The following PCDHA12 variants were observed in gnomAD, a reference collection of about 807,000 sequenced individuals.
PCDHA12 encodes the protein protocadherin alpha-12.
PCDHA12 carries 44 observed loss-of-function variants against 60.0 expected under a neutral mutation model. The observed-to-expected ratio is 0.73, with a 90% CI of 0.58 to 0.94. PCDHA12 has a LOEUF of 0.94. Among genes scored for constraint, PCDHA12 ranks in the 40% least tolerant of loss-of-function variants. The pLI is 0.00. For missense variants in PCDHA12, 1,276 were observed against 1,239.7 expected, an observed-to-expected ratio of 1.03 and a Z score of -0.44; for synonymous variants, 569 against 553.0, an observed-to-expected ratio of 1.03 and a Z score of -0.40.
intron 1 of PCDHA12, among the ~76,000 whole-genome samples, chr5:140,978,590 A>G (rs192815977): frequency 2.0e-4 from 31 of 152,334 alleles, no homozygotes; most frequent in African/African-American, 7.5e-4. Context: ...TGTTCCCTTA[A>G]TGGGGCACTT....
At chr5:140,940,600 G>A (rs576348550) in intron 1 of PCDHA12, among the ~76,000 whole-genome samples, 36 of 152,074 alleles carry the variant, frequency 2.4e-4, no homozygotes, top group African/African-American at 8.4e-4. Flanking sequence ...GGCATGAGCC[G>A]CTGCTCCTGG....
intron 1 of PCDHA12, among the ~76,000 whole-genome samples, chr5:140,889,730 A>C (rs1554184026): frequency 6.6e-6 from 1 of 152,198 alleles, no homozygotes; most frequent in East Asian, 1.9e-4. Flanking sequence ...TGTCTCACTG[A>C]GTAGCAGAGT....
At chr5:140,980,196 A>T (rs1404667828) in intron 2 of PCDHA12, among the ~76,000 whole-genome samples, 1 of 152,214 alleles carries the variant, frequency 6.6e-6, no homozygotes, top group Non-Finnish European at 1.5e-5. Flanking sequence ...TTTATTAGAG[A>T]CCAACTTGTG....
intron 1 of PCDHA12, among the ~76,000 whole-genome samples, chr5:140,940,207 G>C (rs1554213216): frequency 2.6e-5 from 4 of 152,094 alleles, no homozygotes; most frequent in Non-Finnish European, 5.9e-5. Context: ...TAAAATTCAA[G>C]ATTGGCATTT....
At chr5:140,967,468 C>T (rs155807) in intron 1 of PCDHA12, 541,339 of 1,613,022 alleles carry the variant, frequency 0.34, 92,423 homozygotes, top group East Asian at 0.5. Context: ...ATGGGGGCAT[C>T]CCAGCCCGCT....
chr5:140,888,725 T>C (rs1254922405), intron 1 of PCDHA12, among the ~76,000 whole-genome samples: 2 of 152,156 alleles, frequency 1.3e-5, no homozygotes, highest in African/African-American at 4.8e-5. Flanking sequence ...TTTCCAGCCC[T>C]TTGTGAGCTC....
chr5:140,988,119 A>T (rs1238767411), intron 3 of PCDHA12, among the ~76,000 whole-genome samples: 1 of 152,174 alleles, frequency 6.6e-6, no homozygotes, highest in Non-Finnish European at 1.5e-5. Context: ...TTTAGAAAGC[A>T]TGCTGTTCCA....
chr5:140,876,754 C>T lies in PCDHA12; in HGVS notation c.1282C>T (p.Arg428Trp). The change falls in exon 1 of 4, where the codon CGG becomes TGG. Residue 428 changes from arginine to tryptophan, a missense_variant. Physicochemically the swap from Arg to Trp is moderately radical, Grantham distance 101. Coordinates refer to ENST00000398631, the MANE Select transcript of PCDHA12 (RefSeq NM_018903.4). ...GGCCTATGAGCTGGTGGTGACTGCG[C>T]GGGATGGGGGCTCGCCTTCGCTGTG... ...VSAYELVVTARDGGSPSLWAT... is the reference protein window; with the variant it reads ...VSAYELVVTAWDGGSPSLWAT... The T allele has an allele frequency of 1.2e-6, 2 of 1,614,210 alleles. No individual in the cohort carries two copies. Among genetic ancestry groups the T allele is most frequent in the Non-Finnish European group, 1.7e-6 (2 of 1,180,042 alleles).
At chr5:140,926,957 T>G in intron 1 of PCDHA12, 1 of 1,602,892 alleles carries the variant, frequency 6.2e-7, no homozygotes, top group Non-Finnish European at 8.5e-7. Context: ...GCGGGACAGC[T>G]CGAGTACTCA....
rs782045843 is a variant in PCDHA12 at position 140,884,051 on chromosome 5, C to A, written c.2367+6212C>A. Reference sequence around the variant, plus strand: ...TGCAGGCCACGTGGTGGCGAAGGTGCGCGCGGTGGACGCCGATTCGGGCTA... The same window carrying A: ...TGCAGGCCACGTGGTGGCGAAGGTGAGCGCGGTGGACGCCGATTCGGGCTA... On this transcript the variant is annotated intron_variant, in intron 1 of 3. Coordinates refer to ENST00000398631, the MANE Select transcript of PCDHA12 (RefSeq NM_018903.4). The A allele has an allele frequency of 9.3e-6, 15 of 1,613,426 alleles. No homozygotes were observed. In the South Asian group the frequency reaches 1.6e-4, roughly 18 times the overall value.
At chr5:140,968,041 C>T (rs1554230247) in intron 1 of PCDHA12, 1 of 1,614,140 alleles carries the variant, frequency 6.2e-7, no homozygotes, top group Non-Finnish European at 8.5e-7. Context: ...TGGTGAGCGG[C>T]CCACTGGACC....
At chr5:140,950,050 T>C (rs1554219269) in intron 1 of PCDHA12, among the ~76,000 whole-genome samples, 3 of 151,956 alleles carry the variant, frequency 2.0e-5, no homozygotes, top group Admixed American at 6.6e-5. Context: ...CATATAAGAC[T>C]ATTTAGCTCT....
chr5:140,929,413 A>G, intron 1 of PCDHA12: 1 of 1,505,438 alleles, frequency 6.6e-7, no homozygotes, highest in Non-Finnish European at 8.9e-7. Context: ...AGCCTTTCAC[A>G]ACATTTCATC....
chr5:141,006,948 A>G (rs1432589918), intron 3 of PCDHA12, among the ~76,000 whole-genome samples: 3 of 152,194 alleles, frequency 2.0e-5, no homozygotes, highest in African/African-American at 7.2e-5. Flanking sequence ...CCAGATAGGC[A>G]GTTATACATG....
chr5:140,881,414 A>G, intron 1 of PCDHA12: 1 of 936,538 alleles, frequency 1.1e-6, no homozygotes, highest in African/African-American at 1.8e-5. Flanking sequence ...TCAATAGGAT[A>G]TTAGTTCCAG....
At chr5:140,887,679 C>G (rs2061539498) in intron 1 of PCDHA12, among the ~76,000 whole-genome samples, 1 of 152,058 alleles carries the variant, frequency 6.6e-6, no homozygotes, top group East Asian at 1.9e-4. Flanking sequence ...TCATTTTCAT[C>G]AAATTCAGGA....
chr5:140,881,596 T>G (rs1420240994), intron 1 of PCDHA12, among the ~76,000 whole-genome samples: 1 of 152,240 alleles, frequency 6.6e-6, no homozygotes, highest in African/African-American at 2.4e-5. Flanking sequence ...GGAAATTTAT[T>G]AATATGATGT....
chr5:140,929,460 C>A, intron 1 of PCDHA12: 1 of 1,331,154 alleles, frequency 7.5e-7, no homozygotes, highest in Non-Finnish European at 1.0e-6. Context: ...ACTTCCTGTG[C>A]CAAGAAATCT....
At chr5:140,978,740 A>G (rs2096821027) in intron 1 of PCDHA12, among the ~76,000 whole-genome samples, 1 of 152,254 alleles carries the variant, frequency 6.6e-6, no homozygotes, top group Non-Finnish European at 1.5e-5. Flanking sequence ...CTTCCAGGGT[A>G]TCTAATCTGT....
Sources: allele counts gnomAD v4.1 joint callset (sites outside exome capture counted in the v4.1 genomes callset), GRCh38; gene constraint gnomAD v4.1.1; transcripts MANE v1.5; gene names NCBI Gene and HGNC (gene_info 2026-07-23, HGNC 2026-07-21).